Variants in USP34 observed in about 807,000 individuals in gnomAD.
The protein encoded by USP34 is ubiquitin carboxyl-terminal hydrolase 34.
A neutral mutation model predicts 460.3 loss-of-function variants in USP34; 70 were observed. That is an observed-to-expected ratio of 0.15 (90% CI 0.13 to 0.19). The LOEUF is 0.19. Among genes scored for constraint, USP34 ranks in the 10% least tolerant of loss-of-function variants. USP34 has a pLI of 1.00. For missense variants in USP34, 3,985 were observed against 4,236.2 expected, an observed-to-expected ratio of 0.94 and a Z score of 1.65; for synonymous variants, 1,647 against 1,405.3, an observed-to-expected ratio of 1.17 and a Z score of -3.85.
intron 57 of USP34, 112 bp from the exon 58 acceptor site, chr2:61,232,644 T>C (rs1304166046): frequency 3.3e-6 from 3 of 906,928 alleles, no homozygotes; most frequent in South Asian, 3.5e-5. Flanking sequence ...TTTTAAGTTC[T>C]TACCAGAAAA....
At chr2:61,365,637 A>T (rs1692414206) in intron 10 of USP34, among the ~76,000 whole-genome samples, 1 of 152,164 alleles carries the variant, frequency 6.6e-6, no homozygotes, top group Non-Finnish European at 1.5e-5. Flanking sequence ...GAATGACAAA[A>T]ACAGGAGTTG....
chr2:61,299,408 T>C (rs1038495553), intron 29 of USP34, among the ~76,000 whole-genome samples: 1 of 152,146 alleles, frequency 6.6e-6, no homozygotes, highest in Non-Finnish European at 1.5e-5. Flanking sequence ...TAAAAGTTAG[T>C]GGATTGAATA....
At position 61,187,543 on chromosome 2, in the gene USP34, T is replaced by C; in HGVS notation, c.*559A>G. ...AGTCATGTCAATAAAAATAAAACAA[T>C]TATTTTTACATCAAGTGTGCTTTAT... On this transcript the variant is annotated 3_prime_UTR_variant, in exon 80 of 80. Coordinates refer to ENST00000398571, the MANE Select transcript of USP34 (RefSeq NM_014709.4). 4 of 978,596 alleles carry C rather than the reference T, an allele frequency of 4.1e-6. No individual in the cohort carries two copies. Among genetic ancestry groups the C allele is most frequent in the Non-Finnish European group, 4.9e-6 (4 of 823,242 alleles). 60.6% of individuals were successfully genotyped at this position (978,596 alleles called of 1,614,324 possible).
chr2:61,459,745 C>A (rs1331036046), intron 1 of USP34, among the ~76,000 whole-genome samples: 1 of 148,702 alleles, frequency 6.7e-6, no homozygotes, highest in Non-Finnish European at 1.5e-5. Context: ...CCACTGCACT[C>A]CAGCCTGGGC....
intron 16 of USP34, among the ~76,000 whole-genome samples, chr2:61,340,538 G>C (rs138373330): frequency 6.6e-6 from 1 of 152,298 alleles, no homozygotes; most frequent in East Asian, 1.9e-4. Flanking sequence ...GAGAGCATCA[G>C]TCCCTTTCTT....
chr2:61,313,650 G>T (rs536674850), intron 25 of USP34, among the ~76,000 whole-genome samples: 2 of 152,182 alleles, frequency 1.3e-5, no homozygotes, highest in South Asian at 4.1e-4. Flanking sequence ...AAGGCAGTAA[G>T]AAGTTTCTGT....
intron 29 of USP34, among the ~76,000 whole-genome samples, chr2:61,298,208 C>A (rs1469661473): frequency 1.3e-5 from 2 of 151,474 alleles, no homozygotes; most frequent in Non-Finnish European, 2.9e-5. Context: ...TGTTATCAAC[C>A]TGCCAAAAAT....
At chr2:61,441,763 T>A in intron 1 of USP34, among the ~76,000 whole-genome samples, 1 of 129,380 alleles carries the variant, frequency 7.7e-6, no homozygotes. Flanking sequence ...ATGGTACCAC[T>A]GAACTACAGC....
chr2:61,387,166 G>C (rs2463097), intron 5 of USP34, among the ~76,000 whole-genome samples: 77,950 of 151,878 alleles, frequency 0.51, 20,304 homozygotes, highest in South Asian at 0.73. Context: ...TTAGTCGTTA[G>C]AAATATATAA....
intron 53 of USP34, among the ~76,000 whole-genome samples, 191 bp downstream of exon 53, chr2:61,241,368 TA>T (rs1446903401): frequency 6.6e-6 from 1 of 152,158 alleles, no homozygotes; most frequent in Non-Finnish European, 1.5e-5. Flanking sequence ...TGATATTTTC[TA>T]CTCCATTTAA....
intron 75 of USP34, among the ~76,000 whole-genome samples, chr2:61,202,323 G>C (rs146820640): frequency 6.6e-6 from 1 of 152,114 alleles, no homozygotes; most frequent in Non-Finnish European, 1.5e-5. Context: ...TAGTAGTTCC[G>C]CAAGTATTTC....
At chr2:61,367,267 A>C (rs1346086732) in intron 10 of USP34, among the ~76,000 whole-genome samples, 1 of 152,258 alleles carries the variant, frequency 6.6e-6, no homozygotes, top group African/African-American at 2.4e-5. Flanking sequence ...ACACTGTCTT[A>C]TAAGGCAATA....
intron 1 of USP34, among the ~76,000 whole-genome samples, chr2:61,458,836 G>A (rs915679275): frequency 6.6e-6 from 1 of 152,096 alleles, no homozygotes; most frequent in African/African-American, 2.4e-5. Flanking sequence ...GGGAGGCCAA[G>A]GCAGGTGGAT....
chr2:61,413,326 G>A (rs994888471), intron 2 of USP34, among the ~76,000 whole-genome samples: 2 of 152,130 alleles, frequency 1.3e-5, no homozygotes, highest in African/African-American at 4.8e-5. Flanking sequence ...GGAAGGCGGA[G>A]GCTGCAGTGA....
intron 78 of USP34, 37 bp downstream of exon 78, chr2:61,190,234 T>A: frequency 6.4e-7 from 1 of 1,572,322 alleles, no homozygotes; most frequent in African/African-American, 1.4e-5. Flanking sequence ...GAAGGACAGT[T>A]TAAAAGTGTG....
intron 32 of USP34, among the ~76,000 whole-genome samples, chr2:61,294,106 G>A (rs1302018185): frequency 6.6e-6 from 1 of 152,140 alleles, no homozygotes; most frequent in Non-Finnish European, 1.5e-5. Flanking sequence ...AGCACTTTGG[G>A]AGGCCGAGGC....
intron 21 of USP34, among the ~76,000 whole-genome samples, chr2:61,324,033 A>G (rs1691009800): frequency 6.6e-6 from 1 of 152,230 alleles, no homozygotes; most frequent in African/African-American, 2.4e-5. Context: ...ACTTGAAAAG[A>G]GTCATGACGA....
At chr2:61,428,372 G>C (rs188849042) in intron 1 of USP34, among the ~76,000 whole-genome samples, 3 of 151,892 alleles carry the variant, frequency 2.0e-5, no homozygotes, top group African/African-American at 7.2e-5. Context: ...TAATGAAACA[G>C]GTAATAAAAG....
rs1690698519 is a variant in USP34, at chr2:61,314,973, A to T, written c.3284T>A (p.Leu1095Gln). 3 of 1,604,136 alleles carry T rather than the reference A, an allele frequency of 1.9e-6. No homozygotes were observed. The highest frequency in any genetic ancestry group is 1.7e-4 in the Middle Eastern group (1 of 5,966). The change falls in exon 24 of 80, where the codon CTG becomes CAG. Residue 1095 changes from leucine (L) to glutamine (Q), a missense_variant and splice_region_variant. By Grantham distance (113) the Leu-to-Gln change is moderately radical. Around this residue, in one of 14 missense-constraint regions of USP34, gnomAD observed 1,114 missense variants for 1,122.5 expected, o/e 0.99. Transcript: ENST00000398571. ...GCCCCAAAATTGGTCCATACCACAC[A>T]GCTAAGAAAGAAAAATATGGTATCT... ...SAYDGCSNSE[L>Q]CGMDQFWGIA...
Sources: allele counts gnomAD v4.1 joint callset (sites outside exome capture counted in the v4.1 genomes callset), GRCh38; gene constraint gnomAD v4.1.1; regional missense constraint gnomAD v4.1.1; transcripts MANE v1.5; gene names NCBI Gene and HGNC (gene_info 2026-07-23, HGNC 2026-07-21).